The following SAYSD1 variants were observed in gnomAD, a reference collection of about 807,000 sequenced individuals.
SAYSD1 encodes SAYSVFN motif domain containing 1, also known as SAYSvFN domain-containing protein 1.
A neutral mutation model predicts 14.5 loss-of-function variants in SAYSD1; 15 were observed. The ratio of observed to expected loss-of-function variants is 1.03; its 90% CI spans 0.69 to 1.59. The LOEUF (loss-of-function observed/expected upper bound fraction) is 1.59. SAYSD1 is among the 40% of genes most tolerant of loss of function. SAYSD1 has a pLI of 0.00. For missense variants in SAYSD1, 247 were observed against 227.3 expected (o/e 1.09, Z -0.56); for synonymous variants, 105 against 102.6 (o/e 1.02, Z -0.14).
rs1769453238 is a variant in SAYSD1 at position 39,104,405 on chromosome 6, C to G, written c.*1027G>C. On this transcript the variant is annotated 3_prime_UTR_variant, in exon 2 of 2. Transcript: ENST00000229903. ...CTGGAAAAGCAGCATTAAAATCCAG[C>G]CTGATTATCACAATTTACAGAATTT... 1 of 152,050 alleles carries G rather than the reference C, an allele frequency of 6.6e-6. No individual in the cohort carries two copies. 9.4% of individuals were successfully genotyped at this position (152,050 alleles called of 1,614,324 possible). A position where few individuals can be genotyped will look rare whatever the true frequency, so the allele number is the denominator to read the frequency against.
chr6:39,108,421 T>C (rs1248017250), intron 1 of SAYSD1, among the ~76,000 whole-genome samples: 1 of 55,310 alleles, frequency 1.8e-5, no homozygotes, highest in South Asian at 7.3e-4. Flanking sequence ...GGTAGATGGG[T>C]GTGGGGGTGG....
chr6:39,111,621 T>C (rs879703340), intron 1 of SAYSD1: 5 of 152,176 alleles, frequency 3.3e-5, no homozygotes, highest in Non-Finnish European at 7.4e-5. Flanking sequence ...CTGAAACAGC[T>C]TCAGAGGATC....
chr6:39,107,053 T>A (rs1562027565), intron 1 of SAYSD1, among the ~76,000 whole-genome samples: 2 of 152,242 alleles, frequency 1.3e-5, no homozygotes, highest in Non-Finnish European at 2.9e-5. Context: ...AAAACATTTT[T>A]AATAGGGAAC....
chr6:39,114,946 T>A lies in SAYSD1; in HGVS notation c.144A>T (p.Leu48=), dbSNP rs770961798. 2.5e-6 allele frequency: 4 copies of A among 1,613,832 alleles called. No individual in the cohort carries two copies. In the East Asian group the frequency reaches 8.9e-5, roughly 36 times the overall value. Residue 48 remains leucine, a synonymous_variant, in exon 1 of 2, where the codon CTA becomes CTT. Coordinates refer to ENST00000229903, the MANE Select transcript of SAYSD1 (RefSeq NM_018322.3). ...AATLKAAPGW[L]KRFLVWKPRP... ...TAGGTTTCCATACCAGGAACCGCTTTAGCCAGCCTGGGGCTGCCTTTAGAG... is the reference window on the plus strand; with the variant it reads ...TAGGTTTCCATACCAGGAACCGCTTAAGCCAGCCTGGGGCTGCCTTTAGAG...
At chr6:39,107,541 A>C (rs531852892) in intron 1 of SAYSD1, among the ~76,000 whole-genome samples, 33 of 152,320 alleles carry the variant, frequency 2.2e-4, no homozygotes, top group African/African-American at 7.7e-4. Context: ...CTTCAGTTAC[A>C]TCCCCTATTC....
chr6:39,114,340 T>C (rs1769689796), intron 1 of SAYSD1, among the ~76,000 whole-genome samples: 2 of 152,252 alleles, frequency 1.3e-5, no homozygotes, highest in South Asian at 4.1e-4. Flanking sequence ...ACATTCACTA[T>C]GGAACTGGAA....
rs752643154 is a variant in SAYSD1, at chr6:39,105,517, T to C, written c.467A>G (p.Asn156Ser). The C allele has an allele frequency of 2.0e-5, 33 of 1,614,074 alleles. No homozygotes were observed. In the East Asian group the frequency reaches 3.3e-4, roughly 16 times the overall value. ...GCCCTGGATGGCTTCACAGCCTGGA[T>C]TGAACACAGAGTAGGCGCTCTTCTC... is the stretch of plus-strand genomic sequence containing the variant. The part of the protein sequence containing the change: ...EGEKSAYSVF[N>S]PGCEAIQGTL... The change falls in exon 2 of 2, where the codon AAT becomes AGT. Residue 156 changes from asparagine (N) to serine (S), a missense_variant. Coordinates refer to ENST00000229903, the MANE Select transcript of SAYSD1 (RefSeq NM_018322.3).
intron 1 of SAYSD1, chr6:39,110,206 G>A (rs914661013): frequency 2.6e-5 from 4 of 152,392 alleles, no homozygotes; most frequent in Admixed American, 2.0e-4. Context: ...TTCATCTGTG[G>A]ATGAACAGGT....
intron 1 of SAYSD1, among the ~76,000 whole-genome samples, chr6:39,114,210 AAACT>A (rs1769685492): frequency 1.3e-5 from 2 of 152,262 alleles, no homozygotes; most frequent in Admixed American, 1.3e-4. Flanking sequence ...TACTGAGTTA[AAACT>A]AAATGAAAAC....
chr6:39,108,867 C>T (rs1003681365), intron 1 of SAYSD1, among the ~76,000 whole-genome samples: 2 of 152,180 alleles, frequency 1.3e-5, no homozygotes, highest in African/African-American at 4.8e-5. Context: ...CTATCACAGT[C>T]TACTGGTTTT....
Position 39,104,252 on chromosome 6 carries a change from C to T in SAYSD1, c.*1180G>A, listed in dbSNP as rs1269640380. On this transcript the variant is annotated 3_prime_UTR_variant, in exon 2 of 2. Coordinates refer to ENST00000229903, the MANE Select transcript of SAYSD1 (RefSeq NM_018322.3). ...ATGGCCAAAGGGCTGTGAGGAAGGGCAACACATATCAGAAGAATTTTCAGC... is the reference window on the plus strand; with the variant it reads ...ATGGCCAAAGGGCTGTGAGGAAGGGTAACACATATCAGAAGAATTTTCAGC... The T allele has an allele frequency of 6.6e-6, 1 of 151,950 alleles. No homozygotes were observed. Among genetic ancestry groups the T allele is most frequent in the African/African-American group, 2.4e-5 (1 of 41,276 alleles). 9.4% of individuals were successfully genotyped at this position (151,950 alleles called of 1,614,324 possible).
In SAYSD1 at chr6:39,108,637, C is replaced by G. The variant is rs533594146; in HGVS notation, c.208-2861G>C. Among the ~76,000 whole-genome samples, 11 of 152,276 alleles carry G rather than the reference C, an allele frequency of 7.2e-5. No individual in the cohort carries two copies. The South Asian group carries it at 2.1e-3, about 29-fold the overall frequency. Reference sequence around the variant, plus strand: ...ATCAAGCTGCTTCTTACCTTAGGGCCTCTGCACTTGTGGTTCCCTCTGAGA... The same window carrying G: ...ATCAAGCTGCTTCTTACCTTAGGGCGTCTGCACTTGTGGTTCCCTCTGAGA... On this transcript the variant is annotated intron_variant, in intron 1 of 1. Coordinates refer to ENST00000229903, the MANE Select transcript of SAYSD1 (RefSeq NM_018322.3).
In SAYSD1 at chr6:39,114,964, C is replaced by T. The variant is rs767706301; in HGVS notation, c.126G>A (p.Lys42=). 8 of 1,613,958 alleles carry T rather than the reference C, an allele frequency of 5.0e-6. No homozygotes were observed. In the East Asian group the frequency reaches 1.8e-4, roughly 36 times the overall value. ...ACCGCTTTAGCCAGCCTGGGGCTGC[C>T]TTTAGAGTCGCTGCTGCTTCCGCCT... is the stretch of plus-strand genomic sequence containing the variant. ...GEKAEAAATL[K]AAPGWLKRFL... is the part of the protein sequence containing the mutation. The change falls in exon 1 of 2, where the codon AAG becomes AAA. Residue 42 remains lysine, a synonymous_variant. Transcript: ENST00000229903.
intron 1 of SAYSD1, chr6:39,111,223 A>G (rs1462281993): frequency 6.6e-6 from 1 of 152,208 alleles, no homozygotes; most frequent in Non-Finnish European, 1.5e-5. Context: ...CCTAAAGCCT[A>G]CCATGGAAAT....
chr6:39,105,709 C>T lies in SAYSD1; in HGVS notation c.275G>A (p.Cys92Tyr). The change falls in exon 2 of 2, where the codon TGC becomes TAC. Residue 92 changes from cysteine (C) to tyrosine (Y), a missense_variant. By Grantham distance (194) the Cys-to-Tyr change is radical. Coordinates refer to ENST00000229903, the MANE Select transcript of SAYSD1 (RefSeq NM_018322.3). ...ATTGGTCAGGAAAGACTGGTCCCAG[C>T]ACGACGGCAGAGGAATGGCTGTGTT... ...PWNTAIPLPS[C>Y]WDQSFLTNIT... is the part of the protein sequence containing the mutation. 1 of 1,614,242 alleles carries T rather than the reference C, an allele frequency of 6.2e-7. No homozygotes were observed. Among genetic ancestry groups the T allele is most frequent in the Non-Finnish European group, 8.5e-7 (1 of 1,180,046 alleles).
rs374391619 is a variant in SAYSD1 at position 39,105,467 on chromosome 6, G to A, written c.517C>T (p.Arg173Cys). The stretch of plus-strand genomic sequence containing the variant: ...GCCAGGGGTCTCAACTGTAACTCGC[G>A]CTCCAACTGCTCTGCAGTCAGGGTG... Reference protein sequence around the residue: ...QGTLTAEQLERELQLRPLAGR With the variant: ...QGTLTAEQLECELQLRPLAGR The change falls in exon 2 of 2, where the codon CGC becomes TGC. Residue 173 changes from arginine (R) to cysteine (C), a missense_variant. Transcript: ENST00000229903. The A allele has an allele frequency of 5.1e-5, 83 of 1,614,188 alleles. No homozygotes were observed. The highest frequency in any genetic ancestry group is 1.6e-4 in the Middle Eastern group (1 of 6,062).
chr6:39,105,078 CT>C lies in SAYSD1; in HGVS notation c.*353del, dbSNP rs1429658507. 4.2e-6 allele frequency: 1 copy of C among 235,948 alleles called. No homozygotes were observed. The highest frequency in any genetic ancestry group is 2.3e-5 in the African/African-American group (1 of 43,082). 14.6% of individuals were successfully genotyped at this position (235,948 alleles called of 1,614,324 possible). Reference sequence around the variant, plus strand: ...CATTGACAATGCAGCCCTGATGTACCTAATCATACTTCAAACTGCTGGATGT... The same window carrying C: ...CATTGACAATGCAGCCCTGATGTACCAATCATACTTCAAACTGCTGGATGT... On this transcript the variant is annotated 3_prime_UTR_variant, in exon 2 of 2. Coordinates refer to ENST00000229903, the MANE Select transcript of SAYSD1 (RefSeq NM_018322.3).
chr6:39,114,858 A>G, intron 1 of SAYSD1, 25 bp downstream of exon 1: 1 of 1,606,050 alleles, frequency 6.2e-7, no homozygotes, highest in Non-Finnish European at 8.5e-7. Context: ...GCCAGGTCCT[A>G]GGGCCGAAGT....
rs1223661808 is a variant in SAYSD1 at position 39,114,875 on chromosome 6, C to T, written c.207+8G>A. ...CAGGTCCTAGGGCCGAAGTTTCCAT[C>T]GTCTCACCTGAACTAGGCCGGGCTG... On this transcript the variant is annotated splice_region_variant and intron_variant, in intron 1 of 1. Transcript: ENST00000229903. 5 of 1,609,996 alleles carry T rather than the reference C, an allele frequency of 3.1e-6. No individual in the cohort carries two copies. The African/African-American group carries it at 6.7e-5, about 22-fold the overall frequency.
Sources: gnomAD v4.1 joint callset for allele counts (sites outside exome capture counted in the v4.1 genomes callset) on GRCh38, gnomAD v4.1.1 for gene constraint, MANE v1.5 for transcripts, NCBI Gene and HGNC (gene_info 2026-07-23, HGNC 2026-07-21) for gene names.